Variants in DPP10 observed in about 807,000 individuals in gnomAD.
DPP10 encodes the protein dipeptidyl peptidase like 10, also known as inactive dipeptidyl peptidase 10.
A neutral mutation model predicts 120.9 loss-of-function variants in DPP10; 33 were observed. The ratio of observed to expected loss-of-function variants is 0.27; its 90% CI spans 0.21 to 0.37. The LOEUF (loss-of-function observed/expected upper bound fraction) is 0.37. DPP10 is among the 10% of genes least tolerant of loss of function. The pLI, the probability that DPP10 is intolerant of heterozygous loss-of-function variation, is 1.00. For missense variants in DPP10, 816 were observed against 942.8 expected (o/e 0.87, Z 1.76); for synonymous variants, 337 against 326.1 (o/e 1.03, Z -0.36).
At chr2:115,394,453 A>G (rs1322651966) in intron 3 of DPP10, among the ~76,000 whole-genome samples, 4 of 149,546 alleles carry the variant, frequency 2.7e-5, no homozygotes, top group Admixed American at 1.3e-4. Context: ...AGGCTGCTAC[A>G]TGTAATCAAC....
chr2:115,675,015 GGTTA>G (rs918446678), intron 5 of DPP10, among the ~76,000 whole-genome samples: 23 of 152,056 alleles, frequency 1.5e-4, no homozygotes, highest in African/African-American at 5.3e-4. Context: ...TTTATCTCAA[GGTTA>G]GTTATTGTCA....
At chr2:115,131,947 A>G (rs1212893985) in intron 1 of DPP10, 1 of 151,836 alleles carries the variant, frequency 6.6e-6, no homozygotes, top group Non-Finnish European at 1.5e-5. Flanking sequence ...AAAATACAAA[A>G]ATTAGCCGAT....
At chr2:115,245,469 C>CA (rs1336538549) in intron 1 of DPP10, among the ~76,000 whole-genome samples, 2 of 151,688 alleles carry the variant, frequency 1.3e-5, no homozygotes, top group Non-Finnish European at 1.5e-5. Flanking sequence ...TTAAAAAAAT[C>CA]AAAAAATAAT....
intron 1 of DPP10, among the ~76,000 whole-genome samples, chr2:115,121,946 T>TG (rs1238129433): frequency 6.6e-6 from 1 of 152,174 alleles, no homozygotes; most frequent in African/African-American, 2.4e-5. Flanking sequence ...CTTTAAGATT[T>TG]GGGGGGATCA....
chr2:114,851,911 T>C (rs1413208122), intron 1 of DPP10, among the ~76,000 whole-genome samples: 1 of 152,136 alleles, frequency 6.6e-6, no homozygotes, highest in Non-Finnish European at 1.5e-5. Flanking sequence ...ATTATCTTTA[T>C]TTCTCTTGGA....
intron 1 of DPP10, among the ~76,000 whole-genome samples, chr2:114,999,402 T>C (rs899473352): frequency 5.3e-5 from 8 of 152,190 alleles, no homozygotes; most frequent in African/African-American, 1.9e-4. Context: ...AAGACTAAAA[T>C]GGGATTTCTT....
At chr2:115,081,833 T>C (rs1708298181) in intron 1 of DPP10, among the ~76,000 whole-genome samples, 2 of 152,188 alleles carry the variant, frequency 1.3e-5, no homozygotes, top group Admixed American at 1.3e-4. Context: ...ACCCTTTGCC[T>C]GAGGGCAAAC....
intron 3 of DPP10, among the ~76,000 whole-genome samples, chr2:115,450,848 C>T (rs950899341): frequency 1.2e-4 from 18 of 151,982 alleles, no homozygotes; most frequent in South Asian, 4.1e-4. Context: ...TACATCTGTG[C>T]ACCATGTTAG....
intron 7 of DPP10, among the ~76,000 whole-genome samples, chr2:115,699,426 AC>A (rs2091783700): frequency 6.6e-6 from 1 of 152,168 alleles, no homozygotes; most frequent in Non-Finnish European, 1.5e-5. Context: ...ACATGGTGAA[AC>A]CCTGTCTCTA....
chr2:115,557,590 T>A (rs922249053), intron 5 of DPP10, among the ~76,000 whole-genome samples: 2 of 152,208 alleles, frequency 1.3e-5, no homozygotes, highest in Admixed American at 6.5e-5. Context: ...CAAGGTATAA[T>A]TTTATGTAAA....
At chr2:114,627,384 T>G (rs927516738) in intron 1 of DPP10, among the ~76,000 whole-genome samples, 5 of 152,136 alleles carry the variant, frequency 3.3e-5, no homozygotes, top group Non-Finnish European at 7.4e-5. Context: ...TTCTCTTCTT[T>G]TGTAAATCAT....
chr2:115,275,281 G>A (rs1156411855), intron 1 of DPP10, among the ~76,000 whole-genome samples: 2 of 152,130 alleles, frequency 1.3e-5, no homozygotes, highest in East Asian at 1.9e-4. Flanking sequence ...TTAAATAATA[G>A]TCTCTCTCTA....
chr2:114,673,625 T>G (rs114335978), intron 1 of DPP10, among the ~76,000 whole-genome samples: 1,969 of 152,110 alleles, frequency 0.013, 12 homozygotes, highest in Middle Eastern at 0.031. Context: ...CTGGCTAATT[T>G]TTGTATTTTT....
chr2:115,680,397 CAAAT>C (rs1167588762), intron 5 of DPP10, among the ~76,000 whole-genome samples: 2 of 151,676 alleles, frequency 1.3e-5, no homozygotes, highest in Non-Finnish European at 3.0e-5. Flanking sequence ...AAAAGGCAAA[CAAAT>C]AAATAAGTCC....
chr2:115,493,137 G>A (rs2076212133), intron 3 of DPP10, among the ~76,000 whole-genome samples: 1 of 151,978 alleles, frequency 6.6e-6, no homozygotes, highest in Non-Finnish European at 1.5e-5. Context: ...TTTGAGGAGT[G>A]TTTGAGATAA....
At chr2:115,295,723 A>G (rs2060856202) in intron 1 of DPP10, among the ~76,000 whole-genome samples, 1 of 151,898 alleles carries the variant, frequency 6.6e-6, no homozygotes, top group Non-Finnish European at 1.5e-5. Flanking sequence ...TCTTTTGGAG[A>G]AAAAGTTGTA....
intron 7 of DPP10, among the ~76,000 whole-genome samples, chr2:115,710,722 G>T (rs537362487): frequency 3.5e-4 from 53 of 152,118 alleles, no homozygotes; most frequent in African/African-American, 1.2e-3. Flanking sequence ...TTTAAAATTT[G>T]AGGTTATTTT....
chr2:115,834,359 A>G (rs909120633), intron 21 of DPP10, among the ~76,000 whole-genome samples: 9 of 152,230 alleles, frequency 5.9e-5, no homozygotes, highest in African/African-American at 1.9e-4. Flanking sequence ...CATCATGAAC[A>G]AACTGCATCA....
intron 1 of DPP10, among the ~76,000 whole-genome samples, chr2:114,762,206 A>G (rs568321442): frequency 1.3e-5 from 2 of 152,348 alleles, no homozygotes; most frequent in Non-Finnish European, 2.9e-5. Context: ...TTCTCCTCTT[A>G]AAGAGCAGCT....
Sources: allele counts gnomAD v4.1 joint callset (sites outside exome capture counted in the v4.1 genomes callset), GRCh38; gene constraint gnomAD v4.1.1; transcripts MANE v1.5; gene names NCBI Gene and HGNC (gene_info 2026-07-23, HGNC 2026-07-21).